The following TDP1 variants were observed in gnomAD, a reference collection of about 807,000 sequenced individuals.
TDP1 encodes tyrosyl-DNA phosphodiesterase 1.
A neutral mutation model predicts 81.5 loss-of-function variants in TDP1; 64 were observed. That is an observed-to-expected ratio of 0.79 (90% confidence interval 0.64 to 0.97). The LOEUF (loss-of-function observed/expected upper bound fraction) is 0.97. TDP1 is among the 50% of genes least tolerant of loss of function. The pLI is 0.00. For missense variants in TDP1, 723 were observed against 743.8 expected, an observed-to-expected ratio of 0.97 and a Z score of 0.33; for synonymous variants, 256 against 264.3, an observed-to-expected ratio of 0.97 and a Z score of 0.30.
intron 10 of TDP1, among the ~76,000 whole-genome samples, chr14:89,987,939 G>C (rs948115314): frequency 6.6e-6 from 1 of 152,136 alleles, no homozygotes; most frequent in African/African-American, 2.4e-5. Flanking sequence ...CATCCCACAA[G>C]ACTGCCCCTC....
rs1011263017 is a variant in TDP1 at position 90,017,149 on chromosome 14, C to A, written c.1542-2167C>A. On this transcript the variant is annotated intron_variant, in intron 14 of 16. Coordinates refer to ENST00000335725, the MANE Select transcript of TDP1 (RefSeq NM_018319.4). ...TTTGGAGTTGTGGGAGCAAGAGACC[C>A]CTGTGGTGTCGCTGTGCCTCATGAA... Among the ~76,000 whole-genome samples the A allele has an allele frequency of 5.3e-5, 8 of 151,980 alleles. 1 individual carries two copies. The highest frequency in any genetic ancestry group is 4.6e-4 in the Admixed American group (7 of 15,266).
intron 14 of TDP1, among the ~76,000 whole-genome samples, chr14:89,994,655 C>T (rs1896511428): frequency 6.6e-6 from 1 of 152,228 alleles, no homozygotes; most frequent in African/African-American, 2.4e-5. Context: ...CCCTGCCATG[C>T]ATGTGATGTT....
In TDP1 at chr14:89,991,107, A is replaced by G. The variant is rs1030380562; in HGVS notation, c.1367-810A>G. Reference sequence around the variant, plus strand: ...TGTGTAAAGGTGAAGTAGAAGGGGCACTGACATCTTGTCCTAGATTTTCCT... The same window carrying G: ...TGTGTAAAGGTGAAGTAGAAGGGGCGCTGACATCTTGTCCTAGATTTTCCT... On this transcript the variant is annotated intron_variant, in intron 12 of 16. Coordinates refer to ENST00000335725, the MANE Select transcript of TDP1 (RefSeq NM_018319.4). 4.6e-5 allele frequency among the ~76,000 whole-genome samples: 7 copies of G among 152,290 alleles called. No individual in the cohort carries two copies. In the South Asian group the frequency reaches 1.5e-3, roughly 32 times the overall value.
chr14:90,006,098 A>T (rs1399821684), intron 14 of TDP1, among the ~76,000 whole-genome samples: 1 of 152,160 alleles, frequency 6.6e-6, no homozygotes, highest in East Asian at 1.9e-4. Flanking sequence ...GGGTCATGAT[A>T]GGCCTGTGAC....
At chr14:90,021,882 T>C (rs1886130028) in intron 15 of TDP1, among the ~76,000 whole-genome samples, 1 of 151,788 alleles carries the variant, frequency 6.6e-6, no homozygotes. Flanking sequence ...TGTTAGCACA[T>C]CTCAAAAAAC....
chr14:89,984,290 C>A, intron 8 of TDP1: 1 of 985,366 alleles, frequency 1.0e-6, no homozygotes, highest in Non-Finnish European at 1.2e-6. Flanking sequence ...GAGCCCAGGT[C>A]TTACTGAATC....
chr14:89,966,418 G>T (rs1048275479), intron 4 of TDP1, among the ~76,000 whole-genome samples: 3 of 152,160 alleles, frequency 2.0e-5, no homozygotes, highest in African/African-American at 7.2e-5. Context: ...GTCAGCCTCC[G>T]CTGGCCAAGA....
At chr14:89,990,454 T>C (rs1001399924) in intron 12 of TDP1, among the ~76,000 whole-genome samples, 1 of 152,044 alleles carries the variant, frequency 6.6e-6, no homozygotes, top group Non-Finnish European at 1.5e-5. Flanking sequence ...CAGAATGCAC[T>C]GAATTAAACT....
chr14:89,963,029 G>T, intron 2 of TDP1, 79 bp from the exon 3 acceptor site: 7 of 1,606,814 alleles, frequency 4.4e-6, no homozygotes, highest in Non-Finnish European at 5.9e-6. Flanking sequence ...CATCTGACAG[G>T]GAAGTTGAGA....
chr14:89,980,455 A>C (rs1894840594), intron 7 of TDP1, 85 bp from the exon 8 acceptor site: 1 of 1,458,806 alleles, frequency 6.9e-7, no homozygotes, highest in South Asian at 1.2e-5. Flanking sequence ...AAATTCCTTT[A>C]GCTATGTATT....
intron 10 of TDP1, among the ~76,000 whole-genome samples, chr14:89,987,553 T>C (rs942037176): frequency 3.3e-5 from 5 of 152,218 alleles, no homozygotes; most frequent in Admixed American, 6.5e-5. Context: ...AGGTGGATAC[T>C]TCCTTACTTT....
intron 7 of TDP1, 142 bp downstream of exon 7, chr14:89,975,957 C>A: frequency 2.7e-6 from 2 of 750,122 alleles, no homozygotes; most frequent in South Asian, 1.5e-5. Flanking sequence ...GGGAGCTATT[C>A]TTTTATTTAA....
At chr14:89,978,613 T>C (rs1488979699) in intron 7 of TDP1, among the ~76,000 whole-genome samples, 1 of 152,262 alleles carries the variant, frequency 6.6e-6, no homozygotes, top group Admixed American at 6.5e-5. Flanking sequence ...ATTTTGTCTA[T>C]GAAAAGATGA....
chr14:89,972,988 A>G (rs940727793), intron 6 of TDP1, among the ~76,000 whole-genome samples: 1 of 152,138 alleles, frequency 6.6e-6, no homozygotes, highest in Non-Finnish European at 1.5e-5. Context: ...CTCATATTGT[A>G]TCACTCTTTT....
At chr14:90,011,115 C>T (rs190160789) in intron 14 of TDP1, among the ~76,000 whole-genome samples, 9 of 152,270 alleles carry the variant, frequency 5.9e-5, no homozygotes, top group Admixed American at 5.2e-4. Flanking sequence ...ACACACACTC[C>T]TGCCTGCCAC....
At chr14:90,038,137 T>G (rs759758594) in intron 16 of TDP1, among the ~76,000 whole-genome samples, 1 of 152,230 alleles carries the variant, frequency 6.6e-6, no homozygotes, top group Non-Finnish European at 1.5e-5. Context: ...ATTGGTTAAG[T>G]TGGTGTTTAC....
At chr14:89,966,120 A>G (rs749245875) in intron 3 of TDP1, 27 bp from the exon 4 acceptor site, 5 of 1,524,190 alleles carry the variant, frequency 3.3e-6, no homozygotes, top group African/African-American at 1.4e-5. Flanking sequence ...TGTGAGTGTG[A>G]ATTTGATATA....
intron 12 of TDP1, among the ~76,000 whole-genome samples, chr14:89,991,097 T>C (rs1896126535): frequency 1.3e-5 from 2 of 152,158 alleles, no homozygotes; most frequent in African/African-American, 4.8e-5. Flanking sequence ...AAAGGTGAAG[T>C]AGAAGGGGCA....
At chr14:89,988,001 G>T (rs1263859041) in intron 10 of TDP1, among the ~76,000 whole-genome samples, 1 of 152,184 alleles carries the variant, frequency 6.6e-6, no homozygotes, top group Non-Finnish European at 1.5e-5. Context: ...TGACTGACCA[G>T]CTTCAAGTTG....
Sources: gnomAD v4.1 joint callset for allele counts (sites outside exome capture counted in the v4.1 genomes callset) on GRCh38, gnomAD v4.1.1 for gene constraint, MANE v1.5 for transcripts, NCBI Gene and HGNC (gene_info 2026-07-23, HGNC 2026-07-21) for gene names.